The following TRPM3 variants were observed in gnomAD, a reference collection of about 807,000 sequenced individuals.
The protein encoded by TRPM3 is long transient receptor potential channel 3.
TRPM3 carries 77 observed loss-of-function variants against 181.2 expected under a neutral mutation model. The ratio of observed to expected loss-of-function variants is 0.42; its 90% CI spans 0.35 to 0.51. The LOEUF (loss-of-function observed/expected upper bound fraction) is 0.51, where lower values mean the gene tolerates loss of function less well. Ranked by LOEUF, TRPM3 falls within the 20% of genes least tolerant of loss-of-function variation. The probability of loss-of-function intolerance (pLI) is 0.01; values close to 1 mark genes in which losing one functional copy is unlikely to be tolerated. For synonymous variants in TRPM3, 745 were observed against 796.4 expected (o/e 0.94, Z 1.09); for missense variants, 1,759 against 2,196.7 (o/e 0.80, Z 3.98).
At chr9:71,075,255 GT>G (rs1302584505) in intron 1 of TRPM3, among the ~76,000 whole-genome samples, 1 of 152,106 alleles carries the variant, frequency 6.6e-6, no homozygotes, top group Non-Finnish European at 1.5e-5. Context: ...ATTATCATTT[GT>G]TTATGGCTTT....
intron 6 of TRPM3, among the ~76,000 whole-genome samples, chr9:70,811,547 T>C (rs975874641): frequency 6.6e-6 from 1 of 152,228 alleles, no homozygotes; most frequent in Admixed American, 6.5e-5. Context: ...TTAATATCTG[T>C]TAAGTGCTTG....
intron 1 of TRPM3, among the ~76,000 whole-genome samples, chr9:71,199,974 A>G (rs1002246882): frequency 2.0e-5 from 3 of 152,138 alleles, no homozygotes; most frequent in South Asian, 2.1e-4. Context: ...TAGGGTGTCA[A>G]TTTTGGATGT....
At chr9:71,074,713 A>G (rs1212724156) in intron 1 of TRPM3, among the ~76,000 whole-genome samples, 1 of 152,194 alleles carries the variant, frequency 6.6e-6, no homozygotes, top group Admixed American at 6.5e-5. Flanking sequence ...TCATAGTGAA[A>G]TATTACATAG....
In TRPM3 at chr9:71,355,849, T is replaced by C. The variant is rs1011991119; in HGVS notation, c.183+90804A>G. 6.0e-5 allele frequency among the ~76,000 whole-genome samples: 9 copies of C among 149,598 alleles called. No homozygotes were observed. In the East Asian group the frequency reaches 1.2e-3, roughly 20 times the overall value. ...AAACACAAAATATTCCATTTTTTTT[T>C]CCAGGGATTAAATTATATCCCTTAA... On this transcript the variant is annotated intron_variant, in intron 1 of 24. Coordinates refer to the TRPM3 transcript ENST00000357533.
chr9:70,967,179 G>A (rs1358933080), intron 1 of TRPM3, among the ~76,000 whole-genome samples: 1 of 151,912 alleles, frequency 6.6e-6, no homozygotes, highest in African/African-American at 2.4e-5. Flanking sequence ...TACCAAATGT[G>A]GAACATTTTA....
chr9:70,776,758 G>T (rs1430932375), intron 7 of TRPM3, among the ~76,000 whole-genome samples: 2 of 152,162 alleles, frequency 1.3e-5, no homozygotes, highest in African/African-American at 4.8e-5. Flanking sequence ...TTGGCAGAAG[G>T]TACAGAGGGC....
Position 70,618,929 on chromosome 9 carries a change from G to A in TRPM3, c.2296C>T (p.Gln766Ter). 6.2e-7 allele frequency: 1 copy of A among 1,613,092 alleles called. No homozygotes were observed. The highest frequency in any genetic ancestry group is 1.1e-5 in the South Asian group (1 of 91,082). ...HRDFIAHTCS[Q>*]MLLTDMWMGR... ...ATCCACATGTCGGTGAGCAGCATCT[G>A]GCTGCACGTGTGCGCGATGAAGTCG... Residue 766 changes from glutamine (Q) to a stop codon, truncating the protein, a stop_gained, in exon 17 of 26, where the codon CAG (glutamine) becomes TAG (stop). Transcript: ENST00000677713. LOFTEE classifies it high-confidence loss of function.
intron 1 of TRPM3, among the ~76,000 whole-genome samples, chr9:70,943,407 A>C (rs1427062819): frequency 6.6e-6 from 1 of 152,268 alleles, no homozygotes; most frequent in Non-Finnish European, 1.5e-5. Flanking sequence ...CTTTGATTGC[A>C]TAACATATAG....
At chr9:71,136,904 T>C (rs1262315433) in intron 1 of TRPM3, among the ~76,000 whole-genome samples, 1 of 152,160 alleles carries the variant, frequency 6.6e-6, no homozygotes, top group Non-Finnish European at 1.5e-5. Context: ...CGACAGTTGC[T>C]AAGATGTTTA....
chr9:71,102,371 C>T (rs1039411444), intron 1 of TRPM3, among the ~76,000 whole-genome samples: 1 of 152,148 alleles, frequency 6.6e-6, no homozygotes, highest in Admixed American at 6.6e-5. Context: ...TTGTTGAACA[C>T]GTTTTCCCCT....
intron 1 of TRPM3, among the ~76,000 whole-genome samples, chr9:70,923,573 G>A (rs1364248309): frequency 1.3e-5 from 2 of 151,902 alleles, no homozygotes; most frequent in Non-Finnish European, 2.9e-5. Flanking sequence ...ATTAATACAA[G>A]GAGAAAACTG....
intron 8 of TRPM3, among the ~76,000 whole-genome samples, chr9:70,681,893 T>G (rs1668161608): frequency 6.6e-6 from 1 of 152,174 alleles, no homozygotes; most frequent in African/African-American, 2.4e-5. Flanking sequence ...TGTGATAGCT[T>G]TAGGAGGTGG....
chr9:71,233,159 T>C (rs1325374051), intron 1 of TRPM3, among the ~76,000 whole-genome samples: 2 of 152,192 alleles, frequency 1.3e-5, no homozygotes, highest in South Asian at 2.1e-4. Flanking sequence ...CATGAGACAA[T>C]TGCACTAATA....
chr9:71,124,762 C>A (rs1286094017), upstream of TRPM3, among the ~76,000 whole-genome samples: 1 of 152,096 alleles, frequency 6.6e-6, no homozygotes, highest in African/African-American at 2.4e-5. Flanking sequence ...CCACTTTGCA[C>A]CCTGTCTTCT....
intron 1 of TRPM3, among the ~76,000 whole-genome samples, chr9:71,316,579 G>C (rs1043509929): frequency 1.3e-5 from 2 of 152,068 alleles, no homozygotes; most frequent in African/African-American, 4.8e-5. Context: ...ACCAAGAGAC[G>C]TAACATTGCT....
intron 1 of TRPM3, among the ~76,000 whole-genome samples, chr9:71,391,361 A>G (rs923721487): frequency 1.3e-5 from 2 of 151,998 alleles, no homozygotes; most frequent in Admixed American, 6.6e-5. Flanking sequence ...TACTCAAGCA[A>G]CTACAACTGT....
intron 1 of TRPM3, among the ~76,000 whole-genome samples, chr9:71,008,869 C>T (rs942026193): frequency 6.6e-6 from 1 of 152,152 alleles, no homozygotes; most frequent in Non-Finnish European, 1.5e-5. Context: ...ACAACAAAAA[C>T]CTTTACCATG....
chr9:70,997,886 C>T (rs566332652), intron 1 of TRPM3, among the ~76,000 whole-genome samples: 95 of 151,984 alleles, frequency 6.3e-4, no homozygotes, highest in African/African-American at 1.9e-3. Flanking sequence ...TAGTAATATA[C>T]GAAGTTTCAA....
chr9:71,092,881 C>G (rs1028638838), intron 1 of TRPM3, among the ~76,000 whole-genome samples: 1 of 152,256 alleles, frequency 6.6e-6, no homozygotes, highest in Non-Finnish European at 1.5e-5. Flanking sequence ...CAGCATGGTA[C>G]TGGTACCAAA....
Sources: allele counts gnomAD v4.1 joint callset (sites outside exome capture counted in the v4.1 genomes callset), GRCh38; gene constraint gnomAD v4.1.1; transcripts MANE v1.5; gene names NCBI Gene and HGNC (gene_info 2026-07-23, HGNC 2026-07-21).